The following CNTN3 variants were observed in gnomAD, a reference collection of about 807,000 sequenced individuals.
CNTN3 encodes contactin 3, also known as contactin-3.
CNTN3 carries 60 observed loss-of-function variants against 119.1 expected under a neutral mutation model. That is an observed-to-expected ratio of 0.50 (90% CI 0.41 to 0.62). The LOEUF (loss-of-function observed/expected upper bound fraction) is 0.62, where lower values mean the gene tolerates loss of function less well. Ranked by LOEUF, CNTN3 falls within the 20% of genes least tolerant of loss-of-function variation. The pLI, the probability that CNTN3 is intolerant of heterozygous loss-of-function variation, is 0.00. For missense variants in CNTN3, 1,101 were observed against 1,242.4 expected, an observed-to-expected ratio of 0.89 and a Z score of 1.71; for synonymous variants, 450 against 438.7, an observed-to-expected ratio of 1.03 and a Z score of -0.32.
At chr3:74,386,348 G>A (rs1704743392) in intron 5 of CNTN3, among the ~76,000 whole-genome samples, 1 of 152,192 alleles carries the variant, frequency 6.6e-6, no homozygotes, top group Non-Finnish European at 1.5e-5. Context: ...TGGCTGGGCG[G>A]TGGCTCACGC....
intron 13 of CNTN3, among the ~76,000 whole-genome samples, chr3:74,331,483 C>A (rs1389756766): frequency 6.6e-6 from 1 of 152,146 alleles, no homozygotes; most frequent in East Asian, 1.9e-4. Flanking sequence ...CGTTAAGCAA[C>A]ATGTGACTGT....
At chr3:74,578,895 T>G (rs548880351) in intron 1 of CNTN3, among the ~76,000 whole-genome samples, 16 of 152,180 alleles carry the variant, frequency 1.1e-4, no homozygotes, top group Admixed American at 5.2e-4. Context: ...TACCAATACA[T>G]GATATGTACA....
intron 11 of CNTN3, among the ~76,000 whole-genome samples, chr3:74,341,198 G>A (rs565457375): frequency 1.2e-3 from 189 of 152,238 alleles, no homozygotes; most frequent in African/African-American, 4.4e-3. Flanking sequence ...GGCCCACAGG[G>A]CATTTGCACA....
At chr3:74,556,407 G>T (rs1205475408) in intron 1 of CNTN3, among the ~76,000 whole-genome samples, 1 of 152,090 alleles carries the variant, frequency 6.6e-6, no homozygotes, top group Non-Finnish European at 1.5e-5. Context: ...TAAAATATGT[G>T]ATCTTTTGTA....
intron 1 of CNTN3, among the ~76,000 whole-genome samples, chr3:74,545,750 GTTT>G (rs1000974215): frequency 6.6e-6 from 1 of 152,030 alleles, no homozygotes; most frequent in Non-Finnish European, 1.5e-5. Context: ...TTAAAATTAT[GTTT>G]TTGTTGTTTG....
In CNTN3 at chr3:74,356,065, G is replaced by T. The variant is rs191560757; in HGVS notation, c.1364+5825C>A. On this transcript the variant is annotated intron_variant, in intron 11 of 22. Transcript: ENST00000263665. ...TATAAAGAAGGGGGGCCTTTGGGAAGTTATTAAGACATAGGGGTATAAGGT... is the reference window on the plus strand; with the variant it reads ...TATAAAGAAGGGGGGCCTTTGGGAATTTATTAAGACATAGGGGTATAAGGT... Among the ~76,000 whole-genome samples, 170 of 152,140 alleles carry T rather than the reference G, an allele frequency of 1.1e-3. No homozygotes were observed. The Middle Eastern group carries it at 0.014, about 12-fold the overall frequency.
chr3:74,587,916 A>C (rs1165605470), intron 1 of CNTN3, among the ~76,000 whole-genome samples: 3 of 152,188 alleles, frequency 2.0e-5, no homozygotes, highest in Non-Finnish European at 4.4e-5. Context: ...ATTCAGTATG[A>C]CATTGGCTGT....
intron 5 of CNTN3, among the ~76,000 whole-genome samples, chr3:74,372,010 T>G (rs1704352634): frequency 6.6e-6 from 1 of 152,148 alleles, no homozygotes; most frequent in Non-Finnish European, 1.5e-5. Context: ...TTTCAAAGCT[T>G]GGTTCCAACA....
intron 4 of CNTN3, among the ~76,000 whole-genome samples, chr3:74,460,814 TATATGC>T (rs1342738301): frequency 2.0e-4 from 21 of 107,030 alleles, no homozygotes; most frequent in African/African-American, 7.4e-4. Flanking sequence ...TATATATATA[TATATGC>T]CTTTCATTTC....
At chr3:74,365,461 T>C (rs1212882446) in intron 9 of CNTN3, 105 bp downstream of exon 9, 1 of 1,425,772 alleles carries the variant, frequency 7.0e-7, no homozygotes, top group Non-Finnish European at 9.8e-7. Context: ...AACTCAACAG[T>C]TTATTTTGGG....
rs758526873 is a variant in CNTN3 at position 74,285,491 on chromosome 3, C to A, written c.2518G>T (p.Val840Leu). 17 of 1,606,362 alleles carry A rather than the reference C, an allele frequency of 1.1e-5. No individual in the cohort carries two copies. In the South Asian group the frequency reaches 1.2e-4, roughly 12 times the overall value. The change falls in exon 20 of 23, where the codon GTG becomes TTG. Residue 840 changes from valine to leucine, a missense_variant and splice_region_variant. Physicochemically the swap from Val to Leu is conservative, Grantham distance 32 (BLOSUM62 1). Transcript: ENST00000263665. The stretch of plus-strand genomic sequence containing the variant: ...TTTCCACCCCCATTCCAGTACCGCA[C>A]CTGGTGGGCGGAAGACACCAAACAT... ...LSNGHLLGYE[V>L]RYWNGGGKEE...
intron 1 of CNTN3, among the ~76,000 whole-genome samples, chr3:74,539,168 T>C (rs1703805773): frequency 6.6e-6 from 1 of 152,118 alleles, no homozygotes; most frequent in African/African-American, 2.4e-5. Flanking sequence ...TAGCACAGGA[T>C]AGATGAAGAC....
At chr3:74,290,146 G>A (rs1274859863) in intron 19 of CNTN3, among the ~76,000 whole-genome samples, 2 of 152,182 alleles carry the variant, frequency 1.3e-5, no homozygotes, top group Non-Finnish European at 2.9e-5. Context: ...TGTATCATTA[G>A]ATGGTTGTTG....
intron 1 of CNTN3, among the ~76,000 whole-genome samples, chr3:74,589,901 G>A (rs1029816997): frequency 7.2e-6 from 1 of 138,886 alleles, no homozygotes; most frequent in African/African-American, 2.7e-5. Context: ...GATGGGAATT[G>A]TACAATGAGA....
chr3:74,507,825 T>C (rs1410225310), intron 2 of CNTN3, among the ~76,000 whole-genome samples: 2 of 151,812 alleles, frequency 1.3e-5, no homozygotes, highest in Non-Finnish European at 2.9e-5. Flanking sequence ...AGAGACTGGG[T>C]TTCCCTGTGT....
chr3:74,328,844 T>C (rs1343314068), intron 13 of CNTN3, among the ~76,000 whole-genome samples: 2 of 152,214 alleles, frequency 1.3e-5, no homozygotes, highest in Non-Finnish European at 2.9e-5. Flanking sequence ...AGATAAATAA[T>C]AATTCCTCTG....
chr3:74,447,365 C>T (rs1042272926), intron 4 of CNTN3, among the ~76,000 whole-genome samples: 4 of 152,144 alleles, frequency 2.6e-5, no homozygotes, highest in Non-Finnish European at 5.9e-5. Flanking sequence ...CCTGCTATTG[C>T]CTCCCATTAG....
intron 2 of CNTN3, among the ~76,000 whole-genome samples, chr3:74,511,284 C>T (rs1703358876): frequency 6.6e-6 from 1 of 152,106 alleles, no homozygotes. Flanking sequence ...TACAGCCCTA[C>T]AGGGAGTAAG....
chr3:74,329,756 C>T (rs1026934915), intron 13 of CNTN3, among the ~76,000 whole-genome samples: 2 of 152,108 alleles, frequency 1.3e-5, no homozygotes, highest in African/African-American at 4.8e-5. Flanking sequence ...AGATGTTCTA[C>T]AGGGGTAAAT....
Sources: gnomAD v4.1 joint callset for allele counts (sites outside exome capture counted in the v4.1 genomes callset) on GRCh38, gnomAD v4.1.1 for gene constraint, MANE v1.5 for transcripts, NCBI Gene and HGNC (gene_info 2026-07-23, HGNC 2026-07-21) for gene names.